The following ZYG11B variants were observed in gnomAD, a reference collection of about 807,000 sequenced individuals.
The protein encoded by ZYG11B is protein zyg-11 homolog B.
Under a neutral mutation model 82.4 loss-of-function variants are expected in ZYG11B, and 36 were observed. That is an observed-to-expected ratio of 0.44 (90% CI 0.33 to 0.58). The LOEUF is 0.58. Among genes scored for constraint, ZYG11B ranks in the 20% least tolerant of loss-of-function variants. The pLI is 0.02. For synonymous variants in ZYG11B, 303 were observed against 312.8 expected (o/e 0.97, Z 0.33); for missense variants, 552 against 895.6 (o/e 0.62, Z 4.90).
chr1:52,818,180 A>G (rs1645251410), intron 13 of ZYG11B, among the ~76,000 whole-genome samples: 1 of 152,138 alleles, frequency 6.6e-6, no homozygotes, highest in Middle Eastern at 3.4e-3. Context: ...TAATTTTTCA[A>G]AAATTATAGG....
intron 1 of ZYG11B, among the ~76,000 whole-genome samples, chr1:52,734,621 G>C (rs1232204489): frequency 6.6e-6 from 1 of 151,094 alleles, no homozygotes; most frequent in African/African-American, 2.4e-5. Context: ...TTGCACTCCA[G>C]CCTGGGCAAC....
At chr1:52,734,050 G>A (rs931106296) in intron 1 of ZYG11B, among the ~76,000 whole-genome samples, 2 of 152,150 alleles carry the variant, frequency 1.3e-5, no homozygotes, top group African/African-American at 4.8e-5. Context: ...CCAGGCTGGA[G>A]TGCAGGGGCG....
intron 1 of ZYG11B, among the ~76,000 whole-genome samples, chr1:52,753,628 C>G (rs1379837744): frequency 6.6e-6 from 1 of 151,878 alleles, no homozygotes; most frequent in Non-Finnish European, 1.5e-5. Context: ...CAGAGTTTCG[C>G]TCTTGTTGCC....
intron 2 of ZYG11B, among the ~76,000 whole-genome samples, chr1:52,765,610 A>G (rs1644676237): frequency 6.6e-6 from 1 of 151,886 alleles, no homozygotes; most frequent in Non-Finnish European, 1.5e-5. Flanking sequence ...CGACCCTTCG[A>G]CCTCAGCCTC....
rs777361703 is a variant in ZYG11B at position 52,790,011 on chromosome 1, G to T, written c.1278G>T (p.Lys426Asn). Residue 426 changes from lysine (K) to asparagine (N), a missense_variant, in exon 6 of 14, where the codon AAG becomes AAT. Lys to Asn is a moderately conservative substitution (Grantham distance 94). This residue lies in a region of ZYG11B where 359 missense variants were observed against 555.8 expected (regional missense o/e 0.65). Coordinates refer to ENST00000294353, the MANE Select transcript of ZYG11B (RefSeq NM_024646.3). Reference sequence around the variant, plus strand: ...TTCCTTTGATTCTTTAGTTACAGAAGAATTGCCTCCTTTCACTTTGCAGTG... The same window carrying T: ...TTCCTTTGATTCTTTAGTTACAGAATAATTGCCTCCTTTCACTTTGCAGTG... Reference protein sequence around the residue: ...EHFPNHQQLQKNCLLSLCSDR... With the variant: ...EHFPNHQQLQNNCLLSLCSDR... 1 of 1,579,908 alleles carries T rather than the reference G, an allele frequency of 6.3e-7. No individual in the cohort carries two copies. Among genetic ancestry groups the T allele is most frequent in the Non-Finnish European group, 8.6e-7 (1 of 1,160,654 alleles).
chr1:52,772,973 A>G (rs1387657683), intron 3 of ZYG11B, among the ~76,000 whole-genome samples: 89 of 151,730 alleles, frequency 5.9e-4, no homozygotes, highest in African/African-American at 2.1e-3. Context: ...CACCGCGCCC[A>G]GCTACATATA....
intron 1 of ZYG11B, among the ~76,000 whole-genome samples, chr1:52,753,843 G>A (rs1168187731): frequency 2.0e-5 from 3 of 151,952 alleles, no homozygotes; most frequent in South Asian, 2.1e-4. Flanking sequence ...TGATCCACCC[G>A]CCTCGGCCTC....
intron 8 of ZYG11B, 144 bp downstream of exon 8, chr1:52,796,928 TTA>T (rs1645014723): frequency 9.4e-6 from 1 of 106,606 alleles, no homozygotes; most frequent in African/African-American, 3.9e-5. Context: ...TTATATATAA[TTA>T]TATATTATAT....
intron 2 of ZYG11B, 37 bp from the exon 3 acceptor site, chr1:52,770,983 G>GT (rs746687481): frequency 5.7e-6 from 9 of 1,568,440 alleles, no homozygotes; most frequent in Non-Finnish European, 7.8e-6. Context: ...TTCTTTAACT[G>GT]TTTTTTGAAT....
chr1:52,731,923 C>T (rs535843368), intron 1 of ZYG11B, among the ~76,000 whole-genome samples: 1 of 152,158 alleles, frequency 6.6e-6, no homozygotes, highest in Non-Finnish European at 1.5e-5. Flanking sequence ...CCGCCTCATC[C>T]AACTCAAGCA....
intron 6 of ZYG11B, among the ~76,000 whole-genome samples, chr1:52,793,927 T>TCC (rs1644984789): frequency 8.0e-6 from 1 of 125,668 alleles, no homozygotes; most frequent in East Asian, 3.0e-4. Context: ...CCTTTCTTAG[T>TCC]TTTCTTTGTT....
chr1:52,768,399 T>A (rs1181012374), intron 2 of ZYG11B, among the ~76,000 whole-genome samples: 1 of 152,152 alleles, frequency 6.6e-6, no homozygotes, highest in Non-Finnish European at 1.5e-5. Context: ...CAGCTCACCT[T>A]CAGCCTCATT....
Position 52,796,708 on chromosome 1 carries a change from T to C in ZYG11B, c.1435-26T>C, listed in dbSNP as rs535106153. The C allele has an allele frequency of 1.2e-5, 19 of 1,588,048 alleles. No homozygotes were observed. In the South Asian group the frequency reaches 1.6e-4, roughly 13 times the overall value. ...CTCACATTAATGAGTTCTTGGACAT[T>C]GAATTTGTTTTTTACTTGCTTGCAG... On this transcript the variant is annotated intron_variant, in intron 7 of 13. Transcript: ENST00000294353.
chr1:52,728,734 T>C (rs985507336), intron 1 of ZYG11B, among the ~76,000 whole-genome samples: 1 of 152,222 alleles, frequency 6.6e-6, no homozygotes, highest in Non-Finnish European at 1.5e-5. Context: ...TTGAGGTATT[T>C]AGGATCTAAA....
chr1:52,781,906 G>A (rs1056903415), intron 4 of ZYG11B, among the ~76,000 whole-genome samples: 3 of 151,318 alleles, frequency 2.0e-5, no homozygotes, highest in African/African-American at 7.3e-5. Flanking sequence ...ATCAGAGGAT[G>A]TTGGCACTTG....
At position 52,802,019 on chromosome 1, in the gene ZYG11B, T is replaced by G. The variant is rs749831181; in HGVS notation, c.1647+39T>G. The G allele has an allele frequency of 3.0e-5, 47 of 1,582,322 alleles. 1 individual carries two copies. Among genetic ancestry groups the G allele is most frequent in the Admixed American group, 5.6e-5 (3 of 53,582 alleles). ...TTTAGCTTACAGTTTTGATATTTAT[T>G]AATTTATTTACTTTAGCATTTATTT... On this transcript the variant is annotated intron_variant, in intron 9 of 13. Coordinates refer to ENST00000294353, the MANE Select transcript of ZYG11B (RefSeq NM_024646.3).
chr1:52,763,067 A>G (rs1015291660), intron 2 of ZYG11B, among the ~76,000 whole-genome samples: 9 of 151,644 alleles, frequency 5.9e-5, no homozygotes, highest in African/African-American at 1.7e-4. Context: ...TTCCCAGTCA[A>G]TGTCATTGGT....
At chr1:52,729,120 C>G (rs192610362) in intron 1 of ZYG11B, among the ~76,000 whole-genome samples, 2 of 152,158 alleles carry the variant, frequency 1.3e-5, no homozygotes, top group African/African-American at 2.4e-5. Flanking sequence ...TTCAGTGTCT[C>G]GTGAGGGCTC....
Position 52,757,589 on chromosome 1 carries a change from C to T in ZYG11B, c.196+966C>T, listed in dbSNP as rs188251084. Among the ~76,000 whole-genome samples, 145 of 152,122 alleles carry T rather than the reference C, an allele frequency of 9.5e-4. 1 individual carries two copies. The highest frequency in any genetic ancestry group is 3.1e-3 in the African/African-American group (127 of 41,530). ...ACTCGGGAGGGTGAGACAGGAGAATCGCTTGAACCCAGGAGACAGAGGTTG... is the reference window on the plus strand; with the variant it reads ...ACTCGGGAGGGTGAGACAGGAGAATTGCTTGAACCCAGGAGACAGAGGTTG... On this transcript the variant is annotated intron_variant, in intron 2 of 13. Coordinates refer to ENST00000294353, the MANE Select transcript of ZYG11B (RefSeq NM_024646.3).
Sources: allele counts gnomAD v4.1 joint callset (sites outside exome capture counted in the v4.1 genomes callset), GRCh38; gene constraint gnomAD v4.1.1; regional missense constraint gnomAD v4.1.1; transcripts MANE v1.5; gene names NCBI Gene and HGNC (gene_info 2026-07-23, HGNC 2026-07-21).